Variants in ZFYVE9 observed in about 807,000 individuals in gnomAD.
The protein encoded by ZFYVE9 is zinc finger FYVE-type containing 9.
In ZFYVE9, 43 loss-of-function variants were observed where a neutral mutation model predicts 126.7. That is an observed-to-expected ratio of 0.34 (90% CI 0.27 to 0.44). The LOEUF is 0.44. ZFYVE9 is among the 20% of genes least tolerant of loss of function. ZFYVE9 has a pLI of 1.00. For missense variants in ZFYVE9, 1,476 were observed against 1,697.0 expected, an observed-to-expected ratio of 0.87 and a Z score of 2.29; for synonymous variants, 521 against 597.4, an observed-to-expected ratio of 0.87 and a Z score of 1.87.
intron 13 of ZFYVE9, among the ~76,000 whole-genome samples, chr1:52,316,137 C>G (rs2762827): frequency 0.019 from 2,138 of 114,606 alleles, 22 homozygotes; most frequent in Non-Finnish European, 0.027. Context: ...TGCACTTCAG[C>G]CTGGGCAACA....
chr1:52,284,423 A>ATT lies in ZFYVE9; in HGVS notation c.3025+2620_3025+2621dup, dbSNP rs199926823. Among the ~76,000 whole-genome samples the ATT allele has an allele frequency of 6.2e-5, 9 of 145,148 alleles. No individual in the cohort carries two copies. The East Asian group carries it at 8.0e-4, about 13-fold the overall frequency. On this transcript the variant is annotated intron_variant, in intron 10 of 18. Transcript: ENST00000287727. The stretch of plus-strand genomic sequence containing the variant: ...AATTATTAAAATATGTTTAGCATAA[A>ATT]TTTTTTTTTTTTTTGAGATGGAGTC...
intron 1 of ZFYVE9, among the ~76,000 whole-genome samples, chr1:52,177,569 C>G (rs562761745): frequency 2.0e-5 from 3 of 152,268 alleles, no homozygotes; most frequent in Non-Finnish European, 4.4e-5. Flanking sequence ...TCTGTGCCAT[C>G]AAGGAATTAA....
intron 2 of ZFYVE9, among the ~76,000 whole-genome samples, chr1:52,225,994 C>T (rs1404836401): frequency 6.6e-6 from 1 of 152,118 alleles, no homozygotes; most frequent in African/African-American, 2.4e-5. Flanking sequence ...AAAAGACTGG[C>T]AGGTGGTGGA....
chr1:52,281,563 A>G (rs1014911715), intron 9 of ZFYVE9, 98 bp from the exon 10 acceptor site: 5 of 1,353,694 alleles, frequency 3.7e-6, no homozygotes, highest in Middle Eastern at 5.2e-4. Flanking sequence ...ATCTATTTTA[A>G]TCTTTGCTGT....
chr1:52,323,338 A>G (rs1646259216), intron 13 of ZFYVE9, among the ~76,000 whole-genome samples: 1 of 151,936 alleles, frequency 6.6e-6, no homozygotes, highest in South Asian at 2.1e-4. Context: ...TCCTCCTTCC[A>G]TGTTTTATTT....
chr1:52,153,447 A>G (rs1265404244), intron 1 of ZFYVE9, among the ~76,000 whole-genome samples: 1 of 152,076 alleles, frequency 6.6e-6, no homozygotes, highest in East Asian at 1.9e-4. Context: ...TAGTGGTTTG[A>G]CCCAAACCCT....
chr1:52,220,800 A>G (rs1645117407), intron 2 of ZFYVE9, among the ~76,000 whole-genome samples: 1 of 152,090 alleles, frequency 6.6e-6, no homozygotes, highest in Non-Finnish European at 1.5e-5. Flanking sequence ...GTGGGAGAAG[A>G]TGGGGATCGC....
intron 4 of ZFYVE9, among the ~76,000 whole-genome samples, chr1:52,255,949 TTTTCTTTTCTTTTCTTTTCTTTC>T (rs1486821906): frequency 2.5e-5 from 3 of 118,316 alleles, no homozygotes; most frequent in African/African-American, 1.3e-4. Context: ...TTTTCTTTTC[TTTTCTTTTCTTTTCTTTTCTTTC>T]TTTCTTTCTT....
At chr1:52,345,612 C>G (rs996012193) in intron 18 of ZFYVE9, 1 of 155,124 alleles carries the variant, frequency 6.4e-6, no homozygotes. Flanking sequence ...GAGGGCAGGG[C>G]CCTGTTACAT....
rs1370347635 is a variant in ZFYVE9 at position 52,253,879 on chromosome 1, G to A, written c.2179-9894G>A. On this transcript the variant is annotated intron_variant, in intron 4 of 18. Transcript: ENST00000287727. ...TATTTATGCAGACTACAAATCTGAT[G>A]AAAGCTATACTCCAAGCAAGATTTC... The A allele has an allele frequency of 3.4e-6, 4 of 1,190,630 alleles. No homozygotes were observed. The African/African-American group carries it at 6.0e-5, about 18-fold the overall frequency. The allele number at this position is 1,190,630 out of a possible 1,614,324, so 73.8% of individuals were successfully genotyped here.
intron 1 of ZFYVE9, among the ~76,000 whole-genome samples, chr1:52,203,676 G>T (rs2124573647): frequency 6.7e-6 from 1 of 148,704 alleles, no homozygotes; most frequent in Non-Finnish European, 1.5e-5. Context: ...TTTCCTTCTG[G>T]TATTCTTATT....
At chr1:52,194,639 T>C (rs928146700) in intron 1 of ZFYVE9, among the ~76,000 whole-genome samples, 27 of 152,110 alleles carry the variant, frequency 1.8e-4, no homozygotes, top group Non-Finnish European at 3.4e-4. Context: ...TTTGAGGAAA[T>C]AAAAACAAAC....
intron 3 of ZFYVE9, 31 bp downstream of exon 3, chr1:52,233,307 C>A: frequency 1.3e-6 from 2 of 1,524,152 alleles, no homozygotes; most frequent in Non-Finnish European, 1.8e-6. Flanking sequence ...ATCTGTTTGC[C>A]TATGTGGTAT....
chr1:52,190,050 C>G (rs1007929498), intron 1 of ZFYVE9: 1 of 158,108 alleles, frequency 6.3e-6, no homozygotes, highest in Non-Finnish European at 1.4e-5. Context: ...ATATATAGAC[C>G]TCATTTCGTA....
At chr1:52,324,428 C>T (rs1646272079) in intron 13 of ZFYVE9, among the ~76,000 whole-genome samples, 1 of 152,192 alleles carries the variant, frequency 6.6e-6, no homozygotes, top group Admixed American at 6.6e-5. Flanking sequence ...CTTAAAATTA[C>T]TCCAAGAAAG....
chr1:52,193,651 G>A (rs1644834964), intron 1 of ZFYVE9, among the ~76,000 whole-genome samples: 1 of 143,278 alleles, frequency 7.0e-6, no homozygotes, highest in Non-Finnish European at 1.5e-5. Context: ...AGGTTGCAGT[G>A]AGCCGAGATC....
Position 52,150,144 on chromosome 1 carries a change from G to A in ZFYVE9, c.-143+7741G>A, listed in dbSNP as rs541581355. 4.6e-5 allele frequency: 7 copies of A among 152,306 alleles called. No individual in the cohort carries two copies. In the East Asian group the frequency reaches 1.4e-3, roughly 29 times the overall value. 9.4% of individuals were successfully genotyped at this position (152,306 alleles called of 1,614,324 possible). A position where few individuals can be genotyped will look rare whatever the true frequency, so the allele number is the denominator to read the frequency against. On this transcript the variant is annotated intron_variant, in intron 1 of 18. Coordinates refer to ENST00000287727, the MANE Select transcript of ZFYVE9 (RefSeq NM_004799.4). Reference sequence around the variant, plus strand: ...ATGTGCGTCTAGTCTCAGTTACTTGGGAGGCTGAGGCGGGAAGATTGCCTG... The same window carrying A: ...ATGTGCGTCTAGTCTCAGTTACTTGAGAGGCTGAGGCGGGAAGATTGCCTG...
intron 15 of ZFYVE9, among the ~76,000 whole-genome samples, chr1:52,336,368 G>T (rs12755425): frequency 0.86 from 97,928 of 114,210 alleles, 41,251 homozygotes; most frequent in East Asian, 0.98. Flanking sequence ...GGTTTTTTTT[G>T]TTTTTTTTTT....
At position 52,238,955 on chromosome 1, in the gene ZFYVE9, C is replaced by T; in HGVS notation, c.1538C>T (p.Ser513Leu). Reference sequence around the variant, plus strand: ...GAAAAAGAAATAGAGGAAAGCAAGTCAGAATGCTACTCAAATATTTATGAA... The same window carrying T: ...GAAAAAGAAATAGAGGAAAGCAAGTTAGAATGCTACTCAAATATTTATGAA... Reference protein sequence around the residue: ...TEEKEIEESKSECYSNIYEQR... With the variant: ...TEEKEIEESKLECYSNIYEQR... Residue 513 changes from serine to leucine, a missense_variant, in exon 4 of 19, where the codon TCA becomes TTA. Ser to Leu is a moderately radical substitution (Grantham distance 145). Coordinates refer to ENST00000287727, the MANE Select transcript of ZFYVE9 (RefSeq NM_004799.4). 6.2e-7 allele frequency: 1 copy of T among 1,614,006 alleles called. No homozygotes were observed. The highest frequency in any genetic ancestry group is 8.5e-7 in the Non-Finnish European group (1 of 1,179,994).
Sources: allele counts gnomAD v4.1 joint callset (sites outside exome capture counted in the v4.1 genomes callset), GRCh38; gene constraint gnomAD v4.1.1; transcripts MANE v1.5; gene names NCBI Gene and HGNC (gene_info 2026-07-23, HGNC 2026-07-21).